The following ZNF350 variants were observed in gnomAD, a reference collection of about 807,000 sequenced individuals.
The protein encoded by ZNF350 is KRAB zinc finger protein ZFQR.
A neutral mutation model predicts 13.1 loss-of-function variants in ZNF350; 5 were observed. The observed-to-expected ratio is 0.38, with a 90% CI of 0.20 to 0.80. The LOEUF (loss-of-function observed/expected upper bound fraction) is 0.80. ZNF350 is among the 30% of genes least tolerant of loss of function. The pLI is 0.43. For missense variants in ZNF350, 534 were observed against 644.2 expected, an observed-to-expected ratio of 0.83 and a Z score of 1.85; for synonymous variants, 199 against 224.2, an observed-to-expected ratio of 0.89 and a Z score of 1.00.
At chr19:51,970,560 G>C (rs994315024) in intron 2 of ZNF350, among the ~76,000 whole-genome samples, 2 of 152,076 alleles carry the variant, frequency 1.3e-5, no homozygotes, top group African/African-American at 4.8e-5. Context: ...CATGGATATG[G>C]AGGGCCAACC....
chr19:51,985,754 C>A (rs1568489485), intron 1 of ZNF350, among the ~76,000 whole-genome samples: 1 of 152,204 alleles, frequency 6.6e-6, no homozygotes, highest in Non-Finnish European at 1.5e-5. Context: ...CGCCTGTAAT[C>A]CCAGCACTTT....
intron 1 of ZNF350, among the ~76,000 whole-genome samples, chr19:51,983,222 T>C (rs1161544598): frequency 6.6e-6 from 1 of 152,186 alleles, no homozygotes; most frequent in Non-Finnish European, 1.5e-5. Context: ...TTCTCCAGTC[T>C]CAAGTACCCA....
intron 1 of ZNF350, among the ~76,000 whole-genome samples, chr19:51,985,944 T>C (rs1271443465): frequency 1.3e-5 from 2 of 151,946 alleles, no homozygotes; most frequent in South Asian, 2.1e-4. Flanking sequence ...GAGGCGGAGA[T>C]TGCAGTGAGC....
At chr19:51,975,403 T>C (rs1420095891) in intron 1 of ZNF350, among the ~76,000 whole-genome samples, 1 of 128,192 alleles carries the variant, frequency 7.8e-6, no homozygotes, top group African/African-American at 3.0e-5. Context: ...TACTCCAGTC[T>C]GGTCAAAAAG....
intron 1 of ZNF350, among the ~76,000 whole-genome samples, chr19:51,983,767 A>G (rs928444474): frequency 1.3e-5 from 2 of 152,286 alleles, no homozygotes; most frequent in Non-Finnish European, 2.9e-5. Context: ...ATAGTAATCA[A>G]TAAATACTAA....
chr19:51,971,485 C>G (rs1428323773), intron 2 of ZNF350, among the ~76,000 whole-genome samples: 1 of 152,302 alleles, frequency 6.6e-6, no homozygotes, highest in Non-Finnish European at 1.5e-5. Flanking sequence ...GCTATATGAT[C>G]AAACAGCAAA....
Position 51,975,360 on chromosome 19 carries a change from T to C in ZNF350, c.-171-829A>G, listed in dbSNP as rs117319574. Among the ~76,000 whole-genome samples, 448 of 141,146 alleles carry C rather than the reference T, an allele frequency of 3.2e-3. 2 individuals are homozygous for C. The highest frequency in any genetic ancestry group is 5.3e-3 in the Non-Finnish European group (356 of 66,822). 92.6% of individuals were successfully genotyped at this position (141,146 alleles called of 152,430 possible). A position where few individuals can be genotyped will look rare whatever the true frequency, so the allele number is the denominator to read the frequency against. On this transcript the variant is annotated intron_variant, in intron 1 of 4. Coordinates refer to ENST00000243644, the MANE Select transcript of ZNF350 (RefSeq NM_021632.4). The stretch of plus-strand genomic sequence containing the variant: ...AGAAGAATTGCTTGAATCCGGGAGA[T>C]GGAGGTTGCAGTGAGACAAGCCTGT...
intron 1 of ZNF350, among the ~76,000 whole-genome samples, chr19:51,975,828 A>T (rs1162535415): frequency 6.6e-6 from 1 of 152,150 alleles, no homozygotes; most frequent in African/African-American, 2.4e-5. Flanking sequence ...GGGTTCAAGC[A>T]ATTCTCTGCC....
intron 1 of ZNF350, among the ~76,000 whole-genome samples, chr19:51,985,383 T>G (rs540551729): frequency 5.3e-4 from 81 of 152,296 alleles, no homozygotes; most frequent in African/African-American, 1.9e-3. Context: ...GACAGAAAAT[T>G]AATGTTATTT....
chr19:51,965,750 T>C lies in ZNF350; in HGVS notation c.703A>G (p.Arg235Gly), dbSNP rs141833873. 14 of 1,613,636 alleles carry C rather than the reference T, an allele frequency of 8.7e-6. No homozygotes were observed. In the African/African-American group the frequency reaches 1.7e-4, roughly 20 times the overall value. ...QVMHTGEKPHRCSLCEKAFSR... is the reference protein window; with the variant it reads ...QVMHTGEKPHGCSLCEKAFSR... ...AAGGCTTTCTCACATAGACTACATC[T>C]GTGGGGTTTCTCTCCTGTATGCATT... The change falls in exon 5 of 5, where the codon AGA (arginine) becomes GGA (glycine). Residue 235 changes from arginine to glycine, a missense_variant. By Grantham distance (125) the Arg-to-Gly change is moderately radical (BLOSUM62 -2). Transcript: ENST00000243644.
At chr19:51,978,310 G>T (rs770926510) in intron 1 of ZNF350, among the ~76,000 whole-genome samples, 4 of 152,080 alleles carry the variant, frequency 2.6e-5, no homozygotes, top group Non-Finnish European at 5.9e-5. Flanking sequence ...AACCTATTTG[G>T]GTATTTGGGG....
At chr19:51,969,744 A>G (rs2085682424) in intron 2 of ZNF350, among the ~76,000 whole-genome samples, 2 of 152,124 alleles carry the variant, frequency 1.3e-5, no homozygotes, top group African/African-American at 4.8e-5. Flanking sequence ...CAGGAGGCTC[A>G]TTTGAGCCTA....
chr19:51,986,047 T>C (rs2086152188), intron 1 of ZNF350, among the ~76,000 whole-genome samples: 1 of 152,012 alleles, frequency 6.6e-6, no homozygotes, highest in Non-Finnish European at 1.5e-5. Context: ...AAGAAGTGAA[T>C]GCAGAGGTTG....
chr19:51,966,282 TTTTTTTTG>T, intron 4 of ZNF350, 68 bp from the exon 5 acceptor site: 1 of 1,412,512 alleles, frequency 7.1e-7, no homozygotes, highest in Non-Finnish European at 9.2e-7. Context: ...GGTTTTTTTG[TTTTTTTTG>T]TTTTTTTTTT....
At chr19:51,972,607 T>C (rs2085771758) in intron 2 of ZNF350, among the ~76,000 whole-genome samples, 1 of 152,158 alleles carries the variant, frequency 6.6e-6, no homozygotes. Context: ...CTATGTTCTT[T>C]GAAATATGAT....
Position 51,964,781 on chromosome 19 carries a change from G to A in ZNF350, c.*73C>T, listed in dbSNP as rs4986770. On this transcript the variant is annotated 3_prime_UTR_variant, in exon 5 of 5. Transcript: ENST00000243644. ...TCAGCCTTATACATGTTCTCTCAGT[G>A]TATGCTTTTCGGCCACATAATGAAC... 0.076 allele frequency: 113,810 copies of A among 1,500,484 alleles called. 5,551 individuals carry two copies. Among genetic ancestry groups the A allele is most frequent in the South Asian group, 0.22 (17,141 of 77,426 alleles). 92.9% of individuals were successfully genotyped at this position (1,500,484 alleles called of 1,614,324 possible).
chr19:51,970,997 C>A (rs544486764), intron 2 of ZNF350, among the ~76,000 whole-genome samples: 1 of 152,312 alleles, frequency 6.6e-6, no homozygotes, highest in Admixed American at 6.5e-5. Flanking sequence ...ACCTTGAAGA[C>A]CATTTAGGAC....
At chr19:51,971,732 T>C (rs1568481197) in intron 2 of ZNF350, among the ~76,000 whole-genome samples, 1 of 151,880 alleles carries the variant, frequency 6.6e-6, no homozygotes, top group Admixed American at 6.5e-5. Flanking sequence ...CCTTGTCCAC[T>C]AGAGGCAAGG....
Position 51,965,880 on chromosome 19 carries a change from G to A in ZNF350, c.573C>T (p.Phe191=). 1 of 1,614,122 alleles carries A rather than the reference G, an allele frequency of 6.2e-7. No homozygotes were observed. Among genetic ancestry groups the A allele is most frequent in the African/African-American group, 1.3e-5 (1 of 75,050 alleles). Residue 191 remains phenylalanine, a synonymous_variant, in exon 5 of 5, where the codon TTC becomes TTT. Coordinates refer to ENST00000243644, the MANE Select transcript of ZNF350 (RefSeq NM_021632.4). ...SQKLISTKSQ[F]ISPKHQKTRK... ...GTGTTTTCTGATGCTTGGGACTGAT[G>A]AATTGGGACTTAGTGCTGATGAGTT...
Sources: allele counts gnomAD v4.1 joint callset (sites outside exome capture counted in the v4.1 genomes callset), GRCh38; gene constraint gnomAD v4.1.1; transcripts MANE v1.5; gene names NCBI Gene and HGNC (gene_info 2026-07-23, HGNC 2026-07-21).